Variants in HTR4 observed in about 807,000 individuals in gnomAD.
HTR4 encodes 5-hydroxytryptamine receptor 4, also known as 5-hydroxytryptamine (serotonin) receptor 4, G protein-coupled.
A neutral mutation model predicts 36.8 loss-of-function variants in HTR4; 16 were observed. The observed-to-expected ratio is 0.43, with a 90% CI of 0.29 to 0.66. The LOEUF (loss-of-function observed/expected upper bound fraction) is 0.66. HTR4 is among the 30% of genes least tolerant of loss of function. The pLI is 0.13. For synonymous variants in HTR4, 189 were observed against 185.1 expected, an observed-to-expected ratio of 1.02 and a Z score of -0.17; for missense variants, 438 against 490.9, an observed-to-expected ratio of 0.89 and a Z score of 1.02.
At chr5:148,485,919 C>T (rs1277371983) in intron 6 of HTR4, among the ~76,000 whole-genome samples, 1 of 152,224 alleles carries the variant, frequency 6.6e-6, no homozygotes, top group Non-Finnish European at 1.5e-5. Context: ...CTCTCTCTTT[C>T]TCTCCCTCTC....
At chr5:148,571,297 A>C (rs1760668118) in intron 2 of HTR4, among the ~76,000 whole-genome samples, 1 of 152,046 alleles carries the variant, frequency 6.6e-6, no homozygotes, top group African/African-American at 2.4e-5. Flanking sequence ...CCTACATACA[A>C]CATGTCTGCG....
chr5:148,596,157 C>T (rs746551709), intron 2 of HTR4, among the ~76,000 whole-genome samples: 3 of 152,136 alleles, frequency 2.0e-5, no homozygotes, highest in Non-Finnish European at 2.9e-5. Context: ...TTATTTGGCA[C>T]CAATTTTAAG....
At chr5:148,588,803 G>A (rs1246434518) in intron 2 of HTR4, among the ~76,000 whole-genome samples, 3 of 151,464 alleles carry the variant, frequency 2.0e-5, no homozygotes, top group Non-Finnish European at 4.4e-5. Context: ...GCCTCCCAAA[G>A]TGCTGGGATT....
intron 4 of HTR4, among the ~76,000 whole-genome samples, chr5:148,531,602 T>C (rs1460522455): frequency 1.3e-5 from 2 of 152,144 alleles, no homozygotes; most frequent in Admixed American, 6.6e-5. Flanking sequence ...GAAGTGTGTA[T>C]CCAAACCCAC....
intron 2 of HTR4, among the ~76,000 whole-genome samples, chr5:148,631,609 T>C (rs1753323505): frequency 6.6e-6 from 1 of 152,198 alleles, no homozygotes; most frequent in Admixed American, 6.5e-5. Flanking sequence ...AAGCATAATG[T>C]GTATTTTTAC....
At chr5:148,519,553 GA>G (rs1343733367) in intron 5 of HTR4, among the ~76,000 whole-genome samples, 4 of 152,158 alleles carry the variant, frequency 2.6e-5, no homozygotes, top group African/African-American at 9.7e-5. Context: ...ATTAGGCATA[GA>G]TTCCATATTT....
intron 4 of HTR4, among the ~76,000 whole-genome samples, chr5:148,541,505 C>T (rs898928070): frequency 2.6e-5 from 4 of 152,142 alleles, no homozygotes; most frequent in African/African-American, 7.2e-5. Context: ...TTCAATACTC[C>T]ATGGGAGCTC....
chr5:148,481,810 G>T lies in HTR4; in HGVS notation c.*1393C>A. 1.5e-6 allele frequency: 2 copies of T among 1,348,880 alleles called. No homozygotes were observed. The highest frequency in any genetic ancestry group is 2.7e-5 in the East Asian group (1 of 36,686). The allele number at this position is 1,348,880 out of a possible 1,614,324, so 83.6% of individuals were successfully genotyped here. ...CTTCTGCTATGGGGCATTCGCAAGA[G>T]CCACTGACTCAGCTTTGAATAAAAG... On this transcript the variant is annotated 3_prime_UTR_variant, in exon 7 of 7. Transcript: ENST00000377888.
chr5:148,565,515 C>T (rs1268057925), intron 2 of HTR4, among the ~76,000 whole-genome samples: 2 of 151,872 alleles, frequency 1.3e-5, no homozygotes, highest in African/African-American at 2.4e-5. Flanking sequence ...AGGTGGTAAA[C>T]GAATGTGAGG....
chr5:148,534,709 C>T (rs540860037), intron 4 of HTR4, among the ~76,000 whole-genome samples: 2 of 152,198 alleles, frequency 1.3e-5, no homozygotes, highest in East Asian at 1.9e-4. Context: ...TCTGCTTGCA[C>T]CAGACAGGTA....
chr5:148,536,685 C>G (rs190422433), intron 4 of HTR4, among the ~76,000 whole-genome samples: 100 of 152,168 alleles, frequency 6.6e-4, no homozygotes, highest in African/African-American at 2.4e-3. Flanking sequence ...TCAACAAGAC[C>G]TAGCTATCCT....
At position 148,550,238 on chromosome 5, in the gene HTR4, C is replaced by T. The variant is rs1759615336; in HGVS notation, c.51G>A (p.Val17=). ...GAAACGTGAGCAGCACCACCTTCTCCACTGACCCGAAACCCTCCTCAGAAC... is the reference window on the plus strand; with the variant it reads ...GAAACGTGAGCAGCACCACCTTCTCTACTGACCCGAAACCCTCCTCAGAAC... ...NVSSEEGFGS[V]EKVVLLTFLS... The change falls in exon 3 of 7, where the codon GTG becomes GTA. Residue 17 remains valine (V), a synonymous_variant. Transcript: ENST00000377888. 2 of 1,614,156 alleles carry T rather than the reference C, an allele frequency of 1.2e-6. No individual in the cohort carries two copies. The highest frequency in any genetic ancestry group is 1.1e-5 in the South Asian group (1 of 91,072).
At chr5:148,540,088 T>C (rs1447165692) in intron 4 of HTR4, among the ~76,000 whole-genome samples, 1 of 151,986 alleles carries the variant, frequency 6.6e-6, no homozygotes, top group African/African-American at 2.4e-5. Context: ...GATGGAGCTA[T>C]AGGCCATTAT....
intron 2 of HTR4, among the ~76,000 whole-genome samples, chr5:148,589,295 G>A (rs80307942): frequency 0.025 from 3,815 of 152,246 alleles, 64 homozygotes; most frequent in Middle Eastern, 0.058. Context: ...AAATTCTGCC[G>A]AATTGCTCTT....
intron 6 of HTR4, among the ~76,000 whole-genome samples, chr5:148,498,620 C>T (rs934709428): frequency 4.6e-5 from 7 of 152,036 alleles, no homozygotes; most frequent in Non-Finnish European, 1.0e-4. Context: ...TACTCTAAAG[C>T]AGTATGAATG....
intron 5 of HTR4, chr5:148,465,942 A>G: frequency 6.2e-7 from 1 of 1,612,476 alleles, no homozygotes; most frequent in Non-Finnish European, 8.5e-7. Context: ...GTTGAAACAG[A>G]AAACAGCCAC....
At chr5:148,598,678 G>A (rs1310036065) in intron 2 of HTR4, among the ~76,000 whole-genome samples, 1 of 152,152 alleles carries the variant, frequency 6.6e-6, no homozygotes, top group Non-Finnish European at 1.5e-5. Context: ...GAACACAGTA[G>A]GTACTAAATA....
At chr5:148,464,034 C>CA (rs34212190) in intron 5 of HTR4, among the ~76,000 whole-genome samples, 47,965 of 99,366 alleles carry the variant, frequency 0.48, 10,346 homozygotes, top group East Asian at 0.77. Flanking sequence ...CATTGACATG[C>CA]AAAAAAAAAA....
intron 2 of HTR4, chr5:148,629,615 T>C (rs1250749774): frequency 6.6e-6 from 1 of 152,178 alleles, no homozygotes; most frequent in Non-Finnish European, 1.5e-5. Context: ...GGAGCACCCC[T>C]TTCAGTAATA....
Sources: allele counts gnomAD v4.1 joint callset (sites outside exome capture counted in the v4.1 genomes callset), GRCh38; gene constraint gnomAD v4.1.1; transcripts MANE v1.5; gene names NCBI Gene and HGNC (gene_info 2026-07-23, HGNC 2026-07-21).